The following ALDH5A1 variants were observed in gnomAD, a reference collection of about 807,000 sequenced individuals.
ALDH5A1 encodes succinate-semialdehyde dehydrogenase, mitochondrial.
In ALDH5A1, 33 loss-of-function variants were observed where a neutral mutation model predicts 54.7. The ratio of observed to expected loss-of-function variants is 0.60; its 90% confidence interval spans 0.46 to 0.81. The LOEUF (loss-of-function observed/expected upper bound fraction) is 0.81. ALDH5A1 is among the 30% of genes least tolerant of loss of function. The pLI is 0.00. For synonymous variants in ALDH5A1, 294 were observed against 292.7 expected (o/e 1.00, Z -0.05); for missense variants, 657 against 711.0 (o/e 0.92, Z 0.86).
At chr6:24,523,838 T>C (rs1213560398) in intron 7 of ALDH5A1, among the ~76,000 whole-genome samples, 1 of 152,168 alleles carries the variant, frequency 6.6e-6, no homozygotes, top group Non-Finnish European at 1.5e-5. Flanking sequence ...GGGAAACTGC[T>C]TTTAGGAAAG....
At chr6:24,528,486 C>T (rs1759864748) in intron 8 of ALDH5A1, among the ~76,000 whole-genome samples, 1 of 152,028 alleles carries the variant, frequency 6.6e-6, no homozygotes, top group African/African-American at 2.4e-5. Flanking sequence ...CCTCAGCCTC[C>T]AGAGTAGCTA....
chr6:24,495,891 G>A (rs1764694461), intron 1 of ALDH5A1, among the ~76,000 whole-genome samples: 1 of 152,182 alleles, frequency 6.6e-6, no homozygotes, highest in Admixed American at 6.5e-5. Context: ...AAATCCAGGA[G>A]CGTTCTCCAG....
intron 4 of ALDH5A1, among the ~76,000 whole-genome samples, chr6:24,505,730 AGGCCAAGGTG>A (rs1008763340): frequency 1.8e-4 from 28 of 152,066 alleles, no homozygotes; most frequent in African/African-American, 6.8e-4. Flanking sequence ...GAACTATGGG[AGGCCAAGGTG>A]GGCAAATCAC....
intron 4 of ALDH5A1, chr6:24,511,870 T>A: frequency 1.7e-6 from 1 of 597,096 alleles, no homozygotes; most frequent in Non-Finnish European, 3.1e-6. Context: ...CCATTGTTGG[T>A]GAGCTCATGT....
At chr6:24,524,543 G>T (rs1759766021) in intron 7 of ALDH5A1, among the ~76,000 whole-genome samples, 1 of 152,166 alleles carries the variant, frequency 6.6e-6, no homozygotes, top group Non-Finnish European at 1.5e-5. Flanking sequence ...CCACCCCGTG[G>T]GCAGTCAACT....
chr6:24,516,573 GT>G (rs1277761507), intron 5 of ALDH5A1, among the ~76,000 whole-genome samples: 3 of 151,674 alleles, frequency 2.0e-5, no homozygotes, highest in Non-Finnish European at 4.4e-5. Flanking sequence ...TTTTCTACTA[GT>G]TTATATCTAG....
At chr6:24,517,897 C>G (rs1050967017) in intron 5 of ALDH5A1, among the ~76,000 whole-genome samples, 1 of 152,218 alleles carries the variant, frequency 6.6e-6, no homozygotes, top group Non-Finnish European at 1.5e-5. Flanking sequence ...CCTGCCCTGC[C>G]CTTGCCACTT....
chr6:24,518,135 A>G lies in ALDH5A1; in HGVS notation c.871-2266A>G, dbSNP rs1759607869. 6.6e-6 allele frequency among the ~76,000 whole-genome samples: 1 copy of G among 152,144 alleles called. No individual in the cohort carries two copies. Among genetic ancestry groups the G allele is most frequent in the African/African-American group, 2.4e-5 (1 of 41,420 alleles). ...TCTAGGAATTCCCCTCTCCTTCACTAGAGAAGAGAGAGAGCTGTTTTGCTT... is the reference window on the plus strand; with the variant it reads ...TCTAGGAATTCCCCTCTCCTTCACTGGAGAAGAGAGAGAGCTGTTTTGCTT... On this transcript the variant is annotated intron_variant, in intron 5 of 9. Coordinates refer to ENST00000357578, the MANE Select transcript of ALDH5A1 (RefSeq NM_001080.3). The surrounding 1 kb of genome is among the most constrained non-coding windows in gnomAD (Gnocchi z 4.2).
chr6:24,501,153 A>G (rs1445287529), intron 1 of ALDH5A1, among the ~76,000 whole-genome samples: 1 of 152,242 alleles, frequency 6.6e-6, no homozygotes, highest in Non-Finnish European at 1.5e-5. Context: ...TGTATATAAC[A>G]TGATGTTAAC....
chr6:24,509,341 C>T lies in ALDH5A1; in HGVS notation c.726+4356C>T, dbSNP rs55782447. 0.031 allele frequency among the ~76,000 whole-genome samples: 4,732 copies of T among 152,266 alleles called. 102 individuals carry two copies. Among genetic ancestry groups the T allele is most frequent in the Middle Eastern group, 0.054 (16 of 294 alleles). The stretch of plus-strand genomic sequence containing the variant: ...TTTTATTTTCCCACATGTGGCTTGC[C>T]AATTATCCCAGCACCATTTGTTGAG... On this transcript the variant is annotated intron_variant, in intron 4 of 9. Transcript: ENST00000357578. This position sits in a 1 kb window ranked among gnomAD's most constrained non-coding sequence, Gnocchi z 4.7.
At chr6:24,526,771 T>C (rs936731319) in intron 7 of ALDH5A1, among the ~76,000 whole-genome samples, 2 of 149,174 alleles carry the variant, frequency 1.3e-5, no homozygotes, top group Non-Finnish European at 3.0e-5. Context: ...GGGAAAATAA[T>C]TATTCTGCAG....
At chr6:24,519,755 GT>G (rs35222716) in intron 5 of ALDH5A1, among the ~76,000 whole-genome samples, 241 of 145,800 alleles carry the variant, frequency 1.7e-3, no homozygotes, top group East Asian at 7.4e-3. Flanking sequence ...ATACCATCCT[GT>G]TTTTTTTTTT....
In ALDH5A1 at chr6:24,509,834, C is replaced by A. The variant is rs1759428605; in HGVS notation, c.726+4849C>A. Among the ~76,000 whole-genome samples, 1 of 151,764 alleles carries A rather than the reference C, an allele frequency of 6.6e-6. No individual in the cohort carries two copies. The highest frequency in any genetic ancestry group is 1.9e-4 in the East Asian group (1 of 5,178). ...TGCTCTGATCTTGGTTATTTCCTTT[C>A]TTCTGCTGGGTTTGGGTTTGGTTTG... On this transcript the variant is annotated intron_variant, in intron 4 of 9. Transcript: ENST00000357578. This position sits in a 1 kb window ranked among gnomAD's most constrained non-coding sequence, Gnocchi z 4.7.
intron 1 of ALDH5A1, among the ~76,000 whole-genome samples, chr6:24,498,365 A>C (rs1764752247): frequency 6.6e-6 from 1 of 152,180 alleles, no homozygotes; most frequent in South Asian, 2.1e-4. Flanking sequence ...ATCACAGGAA[A>C]GGAGTGGACC....
intron 7 of ALDH5A1, among the ~76,000 whole-genome samples, chr6:24,523,985 GTTT>G (rs36023125): frequency 4.4e-5 from 5 of 113,384 alleles, no homozygotes; most frequent in South Asian, 2.7e-4. Flanking sequence ...AGTTTTTTGT[GTTT>G]TTTTTTTTTT....
At position 24,498,244 on chromosome 6, in the gene ALDH5A1, A is replaced by C. The variant is rs144070903; in HGVS notation, c.354+2894A>C. ...ACCCAAGAGAGGATGTAAAGTAAGCAGTTGGGTGTATGAGTCTGAGGTTTG... is the reference window on the plus strand; with the variant it reads ...ACCCAAGAGAGGATGTAAAGTAAGCCGTTGGGTGTATGAGTCTGAGGTTTG... On this transcript the variant is annotated intron_variant, in intron 1 of 9. Coordinates refer to ENST00000357578, the MANE Select transcript of ALDH5A1 (RefSeq NM_001080.3). Among the ~76,000 whole-genome samples the C allele has an allele frequency of 3.4e-3, 514 of 152,328 alleles. 4 individuals carry two copies. The highest frequency in any genetic ancestry group is 0.028 in the South Asian group (135 of 4,824).
In ALDH5A1 at chr6:24,536,991, T is replaced by C. The variant is rs1280854713; in HGVS notation, c.*3279T>C. The C allele has an allele frequency of 6.6e-6, 1 of 152,670 alleles. No homozygotes were observed. Among genetic ancestry groups the C allele is most frequent in the Non-Finnish European group, 1.5e-5 (1 of 68,036 alleles). The allele number at this position is 152,670 out of a possible 1,614,324, so 9.5% of individuals were successfully genotyped here. A position where few individuals can be genotyped will look rare whatever the true frequency, so the allele number is the denominator to read the frequency against. On this transcript the variant is annotated 3_prime_UTR_variant, in exon 10 of 10. Coordinates refer to ENST00000357578, the MANE Select transcript of ALDH5A1 (RefSeq NM_001080.3). Reference sequence around the variant, plus strand: ...CTGTGTGCAGCTATTTTAAATAGCATTTTACTTGAATAATATGTATGTTGT... The same window carrying C: ...CTGTGTGCAGCTATTTTAAATAGCACTTTACTTGAATAATATGTATGTTGT...
intron 1 of ALDH5A1, among the ~76,000 whole-genome samples, chr6:24,500,647 AAAT>A (rs35094488): frequency 0.022 from 3,106 of 144,148 alleles, 41 homozygotes; most frequent in South Asian, 0.046. Context: ...ACCGTATCTA[AAAT>A]AATAATAATA....
At chr6:24,498,196 T>C (rs755462408) in intron 1 of ALDH5A1, among the ~76,000 whole-genome samples, 26 of 152,286 alleles carry the variant, frequency 1.7e-4, no homozygotes, top group South Asian at 2.1e-4. Flanking sequence ...TTTAGACTTA[T>C]TGAGTTTGAG....
Sources: gnomAD v4.1 joint callset for allele counts (sites outside exome capture counted in the v4.1 genomes callset) on GRCh38, gnomAD v4.1.1 for gene constraint, Gnocchi (gnomAD v3.1) non-coding constraint, MANE v1.5 for transcripts, NCBI Gene and HGNC (gene_info 2026-07-23, HGNC 2026-07-21) for gene names.